DTD1: variants seen among roughly 807,000 people sequenced by gnomAD.
DTD1 encodes the protein D-aminoacyl-tRNA deacylase 1, also known as D-tyrosyl-tRNA deacylase 1 homolog.
A neutral mutation model predicts 25.6 loss-of-function variants in DTD1; 13 were observed. The ratio of observed to expected loss-of-function variants is 0.51; its 90% CI spans 0.33 to 0.81. DTD1 has a LOEUF of 0.81. DTD1 is among the 30% of genes least tolerant of loss of function. The pLI is 0.02. For synonymous variants in DTD1, 110 were observed against 103.6 expected (o/e 1.06, Z -0.37); for missense variants, 193 against 266.4 (o/e 0.72, Z 1.92).
In DTD1 at chr20:18,649,408, C is replaced by T. The variant is rs559511997; in HGVS notation, c.477+21175C>T. ...GGATGGAGTGCAGTGGCGCGATCTC[C>T]GCTCACTGCAACATCCGCCTCCCGG... is the stretch of plus-strand genomic sequence containing the variant. On this transcript the variant is annotated intron_variant, in intron 4 of 5. Coordinates refer to ENST00000377452, the MANE Select transcript of DTD1 (RefSeq NM_080820.6). Among the ~76,000 whole-genome samples, 441 of 137,330 alleles carry T rather than the reference C, an allele frequency of 3.2e-3. 3 individuals carry two copies. Among genetic ancestry groups the T allele is most frequent in the African/African-American group, 0.011 (423 of 37,056 alleles). 90.1% of individuals were successfully genotyped at this position (137,330 alleles called of 152,430 possible). A position where few individuals can be genotyped will look rare whatever the true frequency, so the allele number is the denominator to read the frequency against.
chr20:18,659,554 G>A lies in DTD1; in HGVS notation c.477+31321G>A, dbSNP rs73266581. Among the ~76,000 whole-genome samples the A allele has an allele frequency of 1.3e-3, 195 of 152,172 alleles. 1 individual carries two copies. The highest frequency in any genetic ancestry group is 4.3e-3 in the African/African-American group (180 of 41,516). On this transcript the variant is annotated intron_variant, in intron 4 of 5. Coordinates refer to ENST00000377452, the MANE Select transcript of DTD1 (RefSeq NM_080820.6). ...TGTTGTCTTTTATAGAGTTTATTAT[G>A]GTTAATCAAAAAATATATTTTTTTA...
intron 4 of DTD1, among the ~76,000 whole-genome samples, chr20:18,711,027 A>T (rs943614923): frequency 6.6e-6 from 1 of 152,048 alleles, no homozygotes; most frequent in Non-Finnish European, 1.5e-5. Flanking sequence ...TTGGGTCTGG[A>T]TCTTATGATT....
intron 4 of DTD1, among the ~76,000 whole-genome samples, chr20:18,629,545 C>G (rs909271430): frequency 3.3e-5 from 5 of 151,770 alleles, no homozygotes; most frequent in Admixed American, 1.3e-4. Flanking sequence ...ACTGATCCAC[C>G]TAGGGCCTCA....
chr20:18,695,555 C>A (rs1412460257), intron 4 of DTD1, among the ~76,000 whole-genome samples: 1 of 41,664 alleles, frequency 2.4e-5, no homozygotes. Context: ...CCTTCCCTTC[C>A]CTTCTCTTCC....
At chr20:18,676,100 T>G (rs1261253931) in intron 4 of DTD1, among the ~76,000 whole-genome samples, 5 of 152,180 alleles carry the variant, frequency 3.3e-5, no homozygotes, top group Non-Finnish European at 7.4e-5. Context: ...TTAGGAGCAG[T>G]GATTTGGTGA....
At chr20:18,649,326 CTTTTTT>C (rs55766733) in intron 4 of DTD1, among the ~76,000 whole-genome samples, 32 of 57,640 alleles carry the variant, frequency 5.6e-4, no homozygotes, top group East Asian at 2.7e-3. Context: ...ATTCATCTTT[CTTTTTT>C]TTTTTTTTTT....
intron 5 of DTD1, among the ~76,000 whole-genome samples, chr20:18,754,279 T>C (rs1330582191): frequency 6.6e-6 from 1 of 152,212 alleles, no homozygotes; most frequent in African/African-American, 2.4e-5. Flanking sequence ...TGTTCCTCAC[T>C]GTCCCTCGTG....
intron 4 of DTD1, among the ~76,000 whole-genome samples, chr20:18,697,967 C>A (rs972845684): frequency 3.9e-5 from 6 of 152,200 alleles, no homozygotes; most frequent in Non-Finnish European, 7.3e-5. Flanking sequence ...TCTACCATAA[C>A]TTTACTCTTG....
Position 18,694,373 on chromosome 20 carries a change from C to T in DTD1, c.478-49727C>T, listed in dbSNP as rs139131587. Among the ~76,000 whole-genome samples, 513 of 152,250 alleles carry T rather than the reference C, an allele frequency of 3.4e-3. 4 individuals carry two copies. Among genetic ancestry groups the T allele is most frequent in the Non-Finnish European group, 3.8e-3 (256 of 68,004 alleles). On this transcript the variant is annotated intron_variant, in intron 4 of 5. Transcript: ENST00000377452. ...GACAGATTAGTGCAGGTAAATTGAGCCCACCCGTGCCTTGCAGTTGGTCCC... is the reference window on the plus strand; with the variant it reads ...GACAGATTAGTGCAGGTAAATTGAGTCCACCCGTGCCTTGCAGTTGGTCCC...
At chr20:18,713,720 C>G (rs191841642) in intron 4 of DTD1, among the ~76,000 whole-genome samples, 1 of 152,190 alleles carries the variant, frequency 6.6e-6, no homozygotes, top group Non-Finnish European at 1.5e-5. Context: ...TGCACTTTCT[C>G]TAGACTAAGG....
chr20:18,689,314 T>C (rs1050551092), intron 4 of DTD1, among the ~76,000 whole-genome samples: 2 of 152,142 alleles, frequency 1.3e-5, no homozygotes, highest in Non-Finnish European at 2.9e-5. Flanking sequence ...TATGTGAAAT[T>C]TTAAGGGGGT....
intron 4 of DTD1, among the ~76,000 whole-genome samples, chr20:18,665,195 T>C (rs1363911777): frequency 6.6e-6 from 1 of 152,174 alleles, no homozygotes; most frequent in East Asian, 1.9e-4. Flanking sequence ...TGGAGACTGC[T>C]GCTGAGAGGA....
intron 4 of DTD1, among the ~76,000 whole-genome samples, chr20:18,739,084 T>C (rs1388578066): frequency 6.6e-6 from 1 of 152,092 alleles, no homozygotes; most frequent in Non-Finnish European, 1.5e-5. Context: ...TCCTAAGGCC[T>C]TAGGTGGAGC....
chr20:18,725,392 C>G (rs959343005), intron 4 of DTD1, among the ~76,000 whole-genome samples: 2 of 152,138 alleles, frequency 1.3e-5, no homozygotes, highest in South Asian at 2.1e-4. Context: ...AGTCTTGAGT[C>G]GAGTCCCACC....
chr20:18,747,083 C>T (rs573354494), intron 5 of DTD1, among the ~76,000 whole-genome samples: 1 of 152,328 alleles, frequency 6.6e-6, no homozygotes, highest in African/African-American at 2.4e-5. Flanking sequence ...ACAAATATTG[C>T]TGGTGCTTCT....
At chr20:18,718,497 A>T (rs562260278) in intron 4 of DTD1, among the ~76,000 whole-genome samples, 29 of 152,330 alleles carry the variant, frequency 1.9e-4, no homozygotes, top group Middle Eastern at 3.4e-3. Context: ...AGAACTGTGG[A>T]GCAAAGAGCT....
At chr20:18,720,738 G>C (rs913171685) in intron 4 of DTD1, among the ~76,000 whole-genome samples, 2 of 152,112 alleles carry the variant, frequency 1.3e-5, no homozygotes, top group African/African-American at 4.8e-5. Flanking sequence ...TGTGCCTGTA[G>C]TCCCAGCTAC....
At chr20:18,672,921 A>G (rs2060956043) in intron 4 of DTD1, among the ~76,000 whole-genome samples, 1 of 152,212 alleles carries the variant, frequency 6.6e-6, no homozygotes. Flanking sequence ...TAGATGTAGA[A>G]GTCTCCGGCT....
chr20:18,630,329 C>T (rs914756623), intron 4 of DTD1: 12 of 151,996 alleles, frequency 7.9e-5, no homozygotes, highest in African/African-American at 2.9e-4. Flanking sequence ...AACTATATTA[C>T]AAACCTTATT....
Sources: allele counts gnomAD v4.1 joint callset (sites outside exome capture counted in the v4.1 genomes callset), GRCh38; gene constraint gnomAD v4.1.1; transcripts MANE v1.5; gene names NCBI Gene and HGNC (gene_info 2026-07-23, HGNC 2026-07-21).